ATRIP: variants seen among roughly 807,000 people sequenced by gnomAD.
The protein encoded by ATRIP is ATR-interacting protein.
Under a neutral mutation model 78.1 loss-of-function variants are expected in ATRIP, and 44 were observed. The ratio of observed to expected loss-of-function variants is 0.56; its 90% CI spans 0.44 to 0.72. The LOEUF (loss-of-function observed/expected upper bound fraction) is 0.72. ATRIP is among the 30% of genes least tolerant of loss of function. The pLI, the probability that ATRIP is intolerant of heterozygous loss-of-function variation, is 0.00. For synonymous variants in ATRIP, 388 were observed against 408.9 expected, an observed-to-expected ratio of 0.95 and a Z score of 0.62; for missense variants, 927 against 980.2, an observed-to-expected ratio of 0.95 and a Z score of 0.72.
At chr3:48,451,578 A>T (rs542982776) in intron 2 of ATRIP, 151 bp from the exon 3 acceptor site, 1 of 629,190 alleles carries the variant, frequency 1.6e-6, no homozygotes, top group African/African-American at 1.9e-5. Context: ...CTAGCAGACC[A>T]TGGTGACATC....
chr3:48,461,738 CTTG>C (rs1485376797), intron 8 of ATRIP, among the ~76,000 whole-genome samples: 4 of 152,046 alleles, frequency 2.6e-5, no homozygotes, highest in Admixed American at 6.6e-5. Context: ...AAGTTTTGCT[CTTG>C]TTGTCCAAGC....
intron 8 of ATRIP, among the ~76,000 whole-genome samples, chr3:48,461,125 G>T (rs2040097889): frequency 6.6e-6 from 1 of 152,214 alleles, no homozygotes; most frequent in Non-Finnish European, 1.5e-5. Context: ...TGTGGGTAAG[G>T]TGAAGACCAC....
At position 48,465,978 on chromosome 3, in the gene ATRIP, T is replaced by C; in HGVS notation, c.*424T>C. On this transcript the variant is annotated 3_prime_UTR_variant, in exon 13 of 13. Transcript: ENST00000320211. ...GCCGCAGCAGGGGCTCCCAGCAGTG[T>C]GTAAGACCGGGAGCTGGTCTGGCAC... 1 of 299,724 alleles carries C rather than the reference T, an allele frequency of 3.3e-6. No individual in the cohort carries two copies. The allele number at this position is 299,724 out of a possible 1,614,324, so 18.6% of individuals were successfully genotyped here. A position where few individuals can be genotyped will look rare whatever the true frequency, so the allele number is the denominator to read the frequency against.
chr3:48,456,562 G>A lies in ATRIP; in HGVS notation c.672-697G>A, dbSNP rs192412718. On this transcript the variant is annotated intron_variant, in intron 4 of 12. Coordinates refer to ENST00000320211, the MANE Select transcript of ATRIP (RefSeq NM_130384.3). ...GCAGTGAGCCGTAATTGTGCCACTG[G>A]GCTCCAGCATGGGCAACAGAGTGAG... 2.7e-5 allele frequency among the ~76,000 whole-genome samples: 4 copies of A among 150,248 alleles called. No individual in the cohort carries two copies. In the East Asian group the frequency reaches 7.9e-4, roughly 29 times the overall value.
chr3:48,448,161 C>CTT (rs34075060), intron 1 of ATRIP, among the ~76,000 whole-genome samples: 1,381 of 116,710 alleles, frequency 0.012, 50 homozygotes, highest in African/African-American at 0.02. Flanking sequence ...CGTGAACACC[C>CTT]TTTTTTTTTT....
At position 48,460,494 on chromosome 3, in the gene ATRIP, C is replaced by G; in HGVS notation, c.1440C>G (p.Ser480Arg). The change falls in exon 8 of 13, where the codon AGC becomes AGG. Residue 480 changes from serine to arginine, a missense_variant. Transcript: ENST00000320211. ...ILEGFSVTALSILQHLVCHSG... is the reference protein window; with the variant it reads ...ILEGFSVTALRILQHLVCHSG... ...AAGGCTTCTCTGTGACTGCACTTAGCATTCTTCAGCACCTGGTGTGCCACA... is the reference window on the plus strand; with the variant it reads ...AAGGCTTCTCTGTGACTGCACTTAGGATTCTTCAGCACCTGGTGTGCCACA... The G allele has an allele frequency of 6.2e-7, 1 of 1,612,016 alleles. No homozygotes were observed. Among genetic ancestry groups the G allele is most frequent in the Non-Finnish European group, 8.5e-7 (1 of 1,178,802 alleles).
In ATRIP at chr3:48,467,620, C is replaced by T. The variant is rs775810900; in HGVS notation, c.*2066C>T. 3.4e-5 allele frequency: 54 copies of T among 1,605,054 alleles called. No individual in the cohort carries two copies. Among genetic ancestry groups the T allele is most frequent in the South Asian group, 3.0e-4 (27 of 90,246 alleles). On this transcript the variant is annotated 3_prime_UTR_variant, in exon 13 of 13. Coordinates refer to ENST00000320211, the MANE Select transcript of ATRIP (RefSeq NM_130384.3). ...GAGTAGGCCAAGAAGGAAAATCTGA[C>T]GAATAAAGACCCCCGCTGCCCCATA...
intron 4 of ATRIP, 151 bp downstream of exon 4, chr3:48,454,569 A>G (rs2039909137): frequency 1.7e-6 from 1 of 588,134 alleles, no homozygotes; most frequent in Non-Finnish European, 3.0e-6. Flanking sequence ...GGTGGTTTAG[A>G]TGAAGCTTGC....
chr3:48,466,593 C>G lies in ATRIP; in HGVS notation c.*1039C>G, dbSNP rs1457827256. On this transcript the variant is annotated 3_prime_UTR_variant, in exon 13 of 13. Transcript: ENST00000320211. ...ACTCCCTCCCCTTCGGATCTTAACACTGGGCACTCACACACCCACCCCATG... is the reference window on the plus strand; with the variant it reads ...ACTCCCTCCCCTTCGGATCTTAACAGTGGGCACTCACACACCCACCCCATG... The G allele has an allele frequency of 5.0e-6, 8 of 1,613,936 alleles. No homozygotes were observed. In the South Asian group the frequency reaches 8.8e-5, roughly 18 times the overall value.
At chr3:48,457,663 G>A (rs917848337) in intron 5 of ATRIP, among the ~76,000 whole-genome samples, 1 of 152,120 alleles carries the variant, frequency 6.6e-6, no homozygotes, top group Non-Finnish European at 1.5e-5. Flanking sequence ...TGGATATGGG[G>A]TATCCTCTTA....
intron 1 of ATRIP, 98 bp from the exon 2 acceptor site, chr3:48,449,939 A>G: frequency 7.3e-7 from 1 of 1,371,026 alleles, no homozygotes; most frequent in Admixed American, 2.3e-5. Context: ...CCCTATCTCA[A>G]AAAAGAAAAA....
At chr3:48,448,161 C>CT (rs34075060) in intron 1 of ATRIP, among the ~76,000 whole-genome samples, 65,188 of 116,730 alleles carry the variant, frequency 0.56, 19,187 homozygotes, top group East Asian at 0.67. Flanking sequence ...CGTGAACACC[C>CT]TTTTTTTTTT....
rs935356579 is a variant in ATRIP, at chr3:48,466,261, G to C, written c.*707G>C. 4.8e-6 allele frequency: 3 copies of C among 619,408 alleles called. No homozygotes were observed. Among genetic ancestry groups the C allele is most frequent in the Non-Finnish European group, 5.7e-6 (2 of 348,236 alleles). The allele number at this position is 619,408 out of a possible 1,614,324, so 38.4% of individuals were successfully genotyped here. A position where few individuals can be genotyped will look rare whatever the true frequency, so the allele number is the denominator to read the frequency against. ...CGCCACTGCTGCCAGCGAGAGCCGCGGGAGAGTGTGCAGCCGAGTCACTAC... is the reference window on the plus strand; with the variant it reads ...CGCCACTGCTGCCAGCGAGAGCCGCCGGAGAGTGTGCAGCCGAGTCACTAC... On this transcript the variant is annotated 3_prime_UTR_variant, in exon 13 of 13. Coordinates refer to ENST00000320211, the MANE Select transcript of ATRIP (RefSeq NM_130384.3).
At chr3:48,458,955 C>A (rs571409456) in intron 5 of ATRIP, among the ~76,000 whole-genome samples, 1 of 152,192 alleles carries the variant, frequency 6.6e-6, no homozygotes. Context: ...ATGATTTGGG[C>A]AAGTCCTTTA....
In ATRIP at chr3:48,450,351, C is replaced by T. The variant is rs11918058; in HGVS notation, c.381+181C>T. ...CTGAAAGAAACTAAATTGTGAGATT[C>T]CTAATGCCAAAGGCAAGAAGAAAAA... On this transcript the variant is annotated intron_variant, in intron 2 of 12. Transcript: ENST00000320211. The T allele has an allele frequency of 3.3e-3, 3,324 of 1,016,042 alleles. 58 individuals carry two copies. The African/African-American group carries it at 0.046, about 14-fold the overall frequency. 62.9% of individuals were successfully genotyped at this position (1,016,042 alleles called of 1,614,324 possible).
intron 4 of ATRIP, among the ~76,000 whole-genome samples, chr3:48,455,047 G>A (rs1056817388): frequency 6.6e-6 from 1 of 151,962 alleles, no homozygotes; most frequent in African/African-American, 2.4e-5. Flanking sequence ...ATTTTTAGTA[G>A]AGACGGAGTT....
rs1360534488 is a variant in ATRIP at position 48,447,036 on chromosome 3, A to T, written c.191A>T (p.Asp64Val). 6.3e-7 allele frequency: 1 copy of T among 1,578,580 alleles called. No individual in the cohort carries two copies. Among genetic ancestry groups the T allele is most frequent in the Non-Finnish European group, 8.6e-7 (1 of 1,165,130 alleles). ...ACTGCCGACGACCTGGAGGAGCTTG[A>T]CACCCTCGCGTCACAGGCCCTGAGC... Reference protein sequence around the residue: ...DFTADDLEELDTLASQALSQC... With the variant: ...DFTADDLEELVTLASQALSQC... The change falls in exon 1 of 13, where the codon GAC (aspartate) becomes GTC (valine). Residue 64 changes from aspartate (D) to valine (V), a missense_variant. Transcript: ENST00000320211.
chr3:48,463,853 G>A lies in ATRIP; in HGVS notation c.1854G>A (p.Gln618=), dbSNP rs1402578188. Residue 618 remains glutamine, a synonymous_variant, in exon 9 of 13, where the codon CAG becomes CAA. Coordinates refer to ENST00000320211, the MANE Select transcript of ATRIP (RefSeq NM_130384.3). ...ELLSLLADHD[Q]LAPQLCSHSE... ...TCTCCCTGCTGGCGGACCACGACCA[G>A]CTGGCACCTCAGCTCTGTTCCCACT... is the stretch of plus-strand genomic sequence containing the variant. 3 of 1,614,046 alleles carry A rather than the reference G, an allele frequency of 1.9e-6. No homozygotes were observed. The highest frequency in any genetic ancestry group is 4.5e-5 in the East Asian group (2 of 44,896).
rs2039903424 is a variant in ATRIP at position 48,454,340 on chromosome 3, A to C, written c.593A>C (p.Glu198Ala). 1 of 1,613,858 alleles carries C rather than the reference A, an allele frequency of 6.2e-7. No homozygotes were observed. Among genetic ancestry groups the C allele is most frequent in the South Asian group, 1.1e-5 (1 of 91,088 alleles). Reference protein sequence around the residue: ...LQSELQFKDAEMNELRTKLQT... With the variant: ...LQSELQFKDAAMNELRTKLQT... ...TCTGAACTCCAGTTTAAAGATGCAG[A>C]GATGAATGAATTAAGGACAAAGCTC... The change falls in exon 4 of 13, where the codon GAG becomes GCG. Residue 198 changes from glutamate to alanine, a missense_variant. By Grantham distance (107) the Glu-to-Ala change is moderately radical. Coordinates refer to ENST00000320211, the MANE Select transcript of ATRIP (RefSeq NM_130384.3).
Sources: allele counts gnomAD v4.1 joint callset (sites outside exome capture counted in the v4.1 genomes callset), GRCh38; gene constraint gnomAD v4.1.1; transcripts MANE v1.5; gene names NCBI Gene and HGNC (gene_info 2026-07-23, HGNC 2026-07-21).